Variants in RBFOX1 observed in about 807,000 individuals in gnomAD.
The protein encoded by RBFOX1 is RNA binding fox-1 homolog 1.
Under a neutral mutation model 57.7 loss-of-function variants are expected in RBFOX1, and 8 were observed. The ratio of observed to expected loss-of-function variants is 0.14; its 90% CI spans 0.08 to 0.25. The LOEUF (loss-of-function observed/expected upper bound fraction) is 0.25. RBFOX1 is among the 10% of genes least tolerant of loss of function. The pLI is 1.00. For synonymous variants in RBFOX1, 326 were observed against 222.4 expected, an observed-to-expected ratio of 1.47 and a Z score of -4.15; for missense variants, 611 against 548.5, an observed-to-expected ratio of 1.11 and a Z score of -1.14.
chr16:5,425,139 T>A (rs2151497502), intron 1 of RBFOX1, among the ~76,000 whole-genome samples: 1 of 129,768 alleles, frequency 7.7e-6, no homozygotes, highest in South Asian at 2.7e-4. Context: ...AGAGTCTCAC[T>A]GTGTTGCCCA....
intron 3 of RBFOX1, among the ~76,000 whole-genome samples, chr16:6,973,390 G>A (rs1024847541): frequency 6.6e-6 from 1 of 152,156 alleles, no homozygotes; most frequent in Non-Finnish European, 1.5e-5. Flanking sequence ...AACTATAAGA[G>A]ATAATAACAC....
chr16:5,630,752 C>A (rs549288789), intron 3 of RBFOX1, among the ~76,000 whole-genome samples: 166 of 152,260 alleles, frequency 1.1e-3, no homozygotes, highest in African/African-American at 3.9e-3. Flanking sequence ...TCTGGAGGGC[C>A]AGGCTCTAAC....
intron 4 of RBFOX1, among the ~76,000 whole-genome samples, chr16:7,081,139 A>T (rs1034735456): frequency 5.3e-5 from 8 of 152,114 alleles, no homozygotes; most frequent in Non-Finnish European, 1.0e-4. Flanking sequence ...GGTTGAAGCG[A>T]TTCTCCTGCC....
intron 3 of RBFOX1, among the ~76,000 whole-genome samples, chr16:5,753,857 GAA>G (rs529438194): frequency 9.1e-5 from 13 of 142,182 alleles, no homozygotes; most frequent in African/African-American, 2.6e-4. Flanking sequence ...AGTTTTCATT[GAA>G]AAAAAAAAAC....
At chr16:6,646,578 C>G (rs747686051) in intron 2 of RBFOX1, among the ~76,000 whole-genome samples, 3 of 151,932 alleles carry the variant, frequency 2.0e-5, no homozygotes, top group African/African-American at 7.3e-5. Context: ...AAATCATAAT[C>G]GGATATGGAC....
intron 2 of RBFOX1, among the ~76,000 whole-genome samples, chr16:5,472,945 C>T (rs2069188845): frequency 6.6e-6 from 1 of 152,156 alleles, no homozygotes; most frequent in African/African-American, 2.4e-5. Flanking sequence ...CCCAAGGCTT[C>T]CCGTTGTTAT....
At chr16:6,682,280 C>G (rs866586331) in intron 3 of RBFOX1, among the ~76,000 whole-genome samples, 2 of 152,144 alleles carry the variant, frequency 1.3e-5, no homozygotes, top group South Asian at 2.1e-4. Flanking sequence ...GCCCTGCCTC[C>G]TCTGGAGGGA....
intron 4 of RBFOX1, among the ~76,000 whole-genome samples, chr16:7,194,772 A>G (rs1230057599): frequency 6.6e-6 from 1 of 151,910 alleles, no homozygotes; most frequent in Non-Finnish European, 1.5e-5. Flanking sequence ...TACAAAAACT[A>G]CAAAAATTAG....
chr16:6,623,206 T>C (rs936491666), intron 2 of RBFOX1, among the ~76,000 whole-genome samples: 1 of 152,152 alleles, frequency 6.6e-6, no homozygotes, highest in African/African-American at 2.4e-5. Flanking sequence ...GCAAATGAAT[T>C]AGGTTAGTCA....
chr16:5,338,104 G>C (rs1255580189), intron 1 of RBFOX1, among the ~76,000 whole-genome samples: 1 of 152,170 alleles, frequency 6.6e-6, no homozygotes, highest in Non-Finnish European at 1.5e-5. Flanking sequence ...ATCCCAGGCA[G>C]AGAGGCTTTT....
intron 1 of RBFOX1, among the ~76,000 whole-genome samples, chr16:5,373,051 C>A (rs1294854183): frequency 6.6e-6 from 1 of 152,198 alleles, no homozygotes; most frequent in African/African-American, 2.4e-5. Context: ...CTTGATATCA[C>A]CTCTTCTCAC....
chr16:6,082,772 A>G (rs955844263), intron 1 of RBFOX1, among the ~76,000 whole-genome samples: 3 of 152,118 alleles, frequency 2.0e-5, no homozygotes, highest in African/African-American at 7.2e-5. Flanking sequence ...AAGAGAGAAT[A>G]CCCTGAGGAT....
chr16:7,069,881 G>T (rs77091829), intron 4 of RBFOX1, among the ~76,000 whole-genome samples: 1 of 152,090 alleles, frequency 6.6e-6, no homozygotes, highest in East Asian at 1.9e-4. Context: ...TAGAATTTGC[G>T]CTTGAATTTT....
At chr16:6,081,981 G>T (rs1468301814) in intron 1 of RBFOX1, among the ~76,000 whole-genome samples, 1 of 152,102 alleles carries the variant, frequency 6.6e-6, no homozygotes, top group Non-Finnish European at 1.5e-5. Context: ...ATGGTGTGTG[G>T]TTAATATTTT....
intron 4 of RBFOX1, among the ~76,000 whole-genome samples, chr16:7,092,565 G>T (rs917110483): frequency 6.6e-6 from 1 of 152,166 alleles, no homozygotes; most frequent in African/African-American, 2.4e-5. Flanking sequence ...AGTTGTTTCT[G>T]CTTATAAAAA....
intron 2 of RBFOX1, among the ~76,000 whole-genome samples, chr16:6,583,675 T>G (rs1477336850): frequency 1.3e-5 from 2 of 152,212 alleles, no homozygotes; most frequent in Non-Finnish European, 2.9e-5. Context: ...TAAATCACAG[T>G]GCAATTTCTT....
intron 4 of RBFOX1, among the ~76,000 whole-genome samples, chr16:7,260,566 C>T (rs986595421): frequency 5.9e-5 from 9 of 152,056 alleles, no homozygotes; most frequent in African/African-American, 1.9e-4. Flanking sequence ...AATAACTCAT[C>T]GCATCTCCAT....
chr16:6,423,576 C>G (rs2093835558), intron 2 of RBFOX1, among the ~76,000 whole-genome samples: 1 of 152,024 alleles, frequency 6.6e-6, no homozygotes, highest in Non-Finnish European at 1.5e-5. Context: ...TCCAGCCTGG[C>G]TGGGTGACAG....
At chr16:7,155,139 C>T (rs1157559410) in intron 4 of RBFOX1, among the ~76,000 whole-genome samples, 1 of 152,108 alleles carries the variant, frequency 6.6e-6, no homozygotes, top group African/African-American at 2.4e-5. Flanking sequence ...TGTTATCAGC[C>T]TACAGATTTT....
Sources: allele counts gnomAD v4.1 joint callset (sites outside exome capture counted in the v4.1 genomes callset), GRCh38; gene constraint gnomAD v4.1.1; transcripts MANE v1.5; gene names NCBI Gene and HGNC (gene_info 2026-07-23, HGNC 2026-07-21).